The following IST1 variants were observed in gnomAD, a reference collection of about 807,000 sequenced individuals.
IST1 encodes IST1 factor associated with ESCRT-III.
A neutral mutation model predicts 37.0 loss-of-function variants in IST1; 23 were observed. The observed-to-expected ratio is 0.62, with a 90% CI of 0.45 to 0.88. The LOEUF (loss-of-function observed/expected upper bound fraction) is 0.88, where lower values mean the gene tolerates loss of function less well. Among genes scored for constraint, IST1 ranks in the 40% least tolerant of loss-of-function variants. The pLI is 0.00. For synonymous variants in IST1, 180 were observed against 161.7 expected (o/e 1.11, Z -0.86); for missense variants, 488 against 445.4 (o/e 1.10, Z -0.86).
At position 71,927,876 on chromosome 16, in the gene IST1, C is replaced by G; in HGVS notation, c.*63C>G. ...GAGACTGAGCAATTTCTCCTTGTAACAAAGAATCTCCATGAAATTCTGTTT... is the reference window on the plus strand; with the variant it reads ...GAGACTGAGCAATTTCTCCTTGTAAGAAAGAATCTCCATGAAATTCTGTTT... On this transcript the variant is annotated 3_prime_UTR_variant, in exon 10 of 10. Transcript: ENST00000378799. The G allele has an allele frequency of 8.9e-7, 1 of 1,124,214 alleles. No homozygotes were observed. The highest frequency in any genetic ancestry group is 2.3e-5 in the East Asian group (1 of 42,624). The allele number at this position is 1,124,214 out of a possible 1,614,324, so 69.6% of individuals were successfully genotyped here. A position where few individuals can be genotyped will look rare whatever the true frequency, so the allele number is the denominator to read the frequency against.
chr16:71,924,747 G>A (rs2037697102), intron 8 of IST1, 22 bp from the exon 9 acceptor site: 4 of 1,589,496 alleles, frequency 2.5e-6, no homozygotes, highest in Non-Finnish European at 3.5e-6. Flanking sequence ...TGTCTCCTCT[G>A]GTAACAATCT....
chr16:71,899,536 C>A (rs1302577954), intron 1 of IST1, among the ~76,000 whole-genome samples: 1 of 152,162 alleles, frequency 6.6e-6, no homozygotes. Context: ...ATACAGTGGT[C>A]ATACCAAAAT....
In IST1 at chr16:71,927,931, T is replaced by TCC; in HGVS notation, c.*120_*121dup. On this transcript the variant is annotated 3_prime_UTR_variant, in exon 10 of 10. Transcript: ENST00000378799. ...TGTTAACCGTCACTCAGCACAACACTCCCTCTGGGCTCTCTTCCTGCTCCT... is the reference window on the plus strand; with the variant it reads ...TGTTAACCGTCACTCAGCACAACACTCCCCCTCTGGGCTCTCTTCCTGCTCCT... The TCC allele has an allele frequency of 1.4e-6, 1 of 727,928 alleles. No individual in the cohort carries two copies. Among genetic ancestry groups the TCC allele is most frequent in the Admixed American group, 2.2e-5 (1 of 45,854 alleles). 45.1% of individuals were successfully genotyped at this position (727,928 alleles called of 1,614,324 possible).
At chr16:71,920,376 A>C (rs1025208294) in intron 4 of IST1, among the ~76,000 whole-genome samples, 1 of 152,216 alleles carries the variant, frequency 6.6e-6, no homozygotes, top group African/African-American at 2.4e-5. Context: ...TTAGTCTTTT[A>C]AAAGAAGCTT....
At chr16:71,907,392 C>T (rs1044933400) in intron 1 of IST1, among the ~76,000 whole-genome samples, 44 of 151,842 alleles carry the variant, frequency 2.9e-4, no homozygotes, top group African/African-American at 9.9e-4. Context: ...ATTCTCCTGC[C>T]TCAGCCTCCC....
At chr16:71,902,710 C>G (rs1156968864) in intron 1 of IST1, among the ~76,000 whole-genome samples, 2 of 152,056 alleles carry the variant, frequency 1.3e-5, no homozygotes, top group African/African-American at 4.8e-5. Flanking sequence ...TATAATATCG[C>G]CTTTAAAAGT....
At chr16:71,913,108 G>C (rs2037393976) in intron 1 of IST1, among the ~76,000 whole-genome samples, 1 of 152,138 alleles carries the variant, frequency 6.6e-6, no homozygotes, top group Non-Finnish European at 1.5e-5. Context: ...CGTTCTTTTG[G>C]ATATATACCA....
chr16:71,920,401 T>G (rs928569104), intron 4 of IST1, among the ~76,000 whole-genome samples: 1 of 151,730 alleles, frequency 6.6e-6, no homozygotes, highest in Non-Finnish European at 1.5e-5. Flanking sequence ...CTAACACTTA[T>G]GATTTATTCT....
At chr16:71,895,193 G>A, upstream of IST1, 1 of 205,184 alleles carries the variant, frequency 4.9e-6, no homozygotes, top group Non-Finnish European at 1.0e-5. Flanking sequence ...GGAAGAATCC[G>A]GAACCAAGGC....
rs1233741186 is a variant in IST1 at position 71,916,531 on chromosome 16, G to A, written c.158G>A (p.Arg53Gln). The A allele has an allele frequency of 3.1e-6, 5 of 1,613,788 alleles. No individual in the cohort carries two copies. Among genetic ancestry groups the A allele is most frequent in the East Asian group, 2.2e-5 (1 of 44,886 alleles). The change falls in exon 3 of 10, where the codon CGG becomes CAG. Residue 53 changes from arginine to glutamine, a missense_variant. Physicochemically the swap from Arg to Gln is conservative, Grantham distance 43. Transcript: ENST00000378799. ...YLAAGKDERA[R>Q]IRVEHIIRED... ...GCTGCTGGGAAAGATGAACGAGCTC[G>A]GATCCGTGTGGAGCACATTATCCGG...
At chr16:71,921,514 C>CAA in intron 6 of IST1, 61 bp downstream of exon 6, 2 of 899,778 alleles carry the variant, frequency 2.2e-6, no homozygotes, top group Non-Finnish European at 3.3e-6. Context: ...CTTTGGAAAA[C>CAA]AAAAAAAACA....
chr16:71,921,608 C>T lies in IST1; in HGVS notation c.552+155C>T, dbSNP rs145370769. 4.8e-4 allele frequency: 277 copies of T among 581,822 alleles called. 3 individuals carry two copies. Among genetic ancestry groups the T allele is most frequent in the Middle Eastern group, 4.5e-3 (13 of 2,860 alleles). 36.0% of individuals were successfully genotyped at this position (581,822 alleles called of 1,614,324 possible). On this transcript the variant is annotated intron_variant, in intron 6 of 9. Transcript: ENST00000378799. ...TGACAATAAATGTGCCTGCATATCT[C>T]ACAGGGTACTTAAGGAATTAGATGA... is the stretch of plus-strand genomic sequence containing the variant.
intron 1 of IST1, among the ~76,000 whole-genome samples, chr16:71,907,487 C>T (rs2037251810): frequency 6.6e-6 from 1 of 151,986 alleles, no homozygotes; most frequent in African/African-American, 2.4e-5. Flanking sequence ...CTGTGTTGGC[C>T]AGGGTGGTTT....
chr16:71,920,560 TTGGATGGA>T (rs140935789), intron 4 of IST1, among the ~76,000 whole-genome samples, 171 bp from the exon 5 acceptor site: 3,268 of 152,236 alleles, frequency 0.021, 39 homozygotes, highest in Non-Finnish European at 0.03. Flanking sequence ...GTGCTGCTCA[TTGGATGGA>T]TGGATGGATG....
chr16:71,910,518 A>C (rs2062210808), intron 1 of IST1, among the ~76,000 whole-genome samples: 1 of 151,660 alleles, frequency 6.6e-6, no homozygotes, highest in Middle Eastern at 3.4e-3. Context: ...AGGCAGGAGA[A>C]TGGCGTGAAC....
upstream of IST1, chr16:71,894,864 C>G (rs1217994331): frequency 6.5e-6 from 10 of 1,529,588 alleles, no homozygotes; most frequent in Non-Finnish European, 8.8e-6. Context: ...CAAAGGTAAC[C>G]AAGGAAAAAG....
chr16:71,902,070 A>G lies in IST1; in HGVS notation c.-16+6481A>G, dbSNP rs184649827. On this transcript the variant is annotated intron_variant, in intron 1 of 9. Transcript: ENST00000378799. ...TCCATTGACTGGAATTTATTTAACA[A>G]ATGTTTACATGGTGCTTACTGTGTA... Among the ~76,000 whole-genome samples the G allele has an allele frequency of 5.3e-5, 8 of 152,360 alleles. No individual in the cohort carries two copies. The East Asian group carries it at 1.5e-3, about 29-fold the overall frequency.
At chr16:71,919,109 A>T (rs1014585281) in intron 4 of IST1, among the ~76,000 whole-genome samples, 1 of 152,194 alleles carries the variant, frequency 6.6e-6, no homozygotes, top group Non-Finnish European at 1.5e-5. Context: ...CACAGCTCCG[A>T]TCCTGTCACG....
chr16:71,895,668 G>C (rs2036949077), intron 1 of IST1, 79 bp downstream of exon 1: 2 of 535,114 alleles, frequency 3.7e-6, no homozygotes, highest in Non-Finnish European at 2.4e-6. Flanking sequence ...TCTCTAGTTA[G>C]CGCTAGGGCC....
Sources: allele counts gnomAD v4.1 joint callset (sites outside exome capture counted in the v4.1 genomes callset), GRCh38; gene constraint gnomAD v4.1.1; transcripts MANE v1.5; gene names NCBI Gene and HGNC (gene_info 2026-07-23, HGNC 2026-07-21).